PCSK6: variants seen among roughly 807,000 people sequenced by gnomAD.
PCSK6 encodes proprotein convertase subtilisin/kexin type 6, also known as paired basic amino acid cleaving enzyme 4.
In PCSK6, 85 loss-of-function variants were observed where a neutral mutation model predicts 123.3. That is an observed-to-expected ratio of 0.69 (90% CI 0.58 to 0.83). The LOEUF is 0.83. Among genes scored for constraint, PCSK6 ranks in the 40% least tolerant of loss-of-function variants. The pLI is 0.00. For missense variants in PCSK6, 1,191 were observed against 1,282.3 expected, an observed-to-expected ratio of 0.93 and a Z score of 1.09; for synonymous variants, 508 against 516.0, an observed-to-expected ratio of 0.98 and a Z score of 0.21.
At chr15:101,404,166 T>G (rs2042699504) in intron 6 of PCSK6, among the ~76,000 whole-genome samples, 1 of 152,208 alleles carries the variant, frequency 6.6e-6, no homozygotes, top group Non-Finnish European at 1.5e-5. Flanking sequence ...GTTCTTAATT[T>G]TAATAGAGCA....
At chr15:101,427,602 A>G (rs1047606544) in intron 6 of PCSK6, among the ~76,000 whole-genome samples, 8 of 152,220 alleles carry the variant, frequency 5.3e-5, no homozygotes, top group African/African-American at 1.9e-4. Context: ...GCAGACTTCT[A>G]GGAGTCAGCA....
chr15:101,421,148 T>G (rs1399137971), intron 6 of PCSK6, among the ~76,000 whole-genome samples: 1 of 152,178 alleles, frequency 6.6e-6, no homozygotes, highest in Non-Finnish European at 1.5e-5. Flanking sequence ...GGTTTCACCA[T>G]GTTGGCAGGC....
intron 20 of PCSK6, chr15:101,312,968 G>A (rs2039901147): frequency 1.9e-6 from 2 of 1,052,610 alleles, no homozygotes; most frequent in Non-Finnish European, 2.4e-6. Flanking sequence ...TCACACCAGT[G>A]CACTCCAGCC....
intron 1 of PCSK6, among the ~76,000 whole-genome samples, chr15:101,445,168 C>A (rs2056855358): frequency 6.6e-6 from 1 of 152,218 alleles, no homozygotes; most frequent in Admixed American, 6.5e-5. Flanking sequence ...ACCTAGTGGG[C>A]ATTCAGCAAA....
chr15:101,376,046 G>A (rs1191280837), intron 11 of PCSK6, among the ~76,000 whole-genome samples: 1 of 151,996 alleles, frequency 6.6e-6, no homozygotes, highest in African/African-American at 2.4e-5. Context: ...ATAAAAACAA[G>A]TGTCTGTTTC....
At chr15:101,480,461 T>C (rs2057847449) in intron 1 of PCSK6, among the ~76,000 whole-genome samples, 1 of 152,246 alleles carries the variant, frequency 6.6e-6, no homozygotes, top group Non-Finnish European at 1.5e-5. Flanking sequence ...AGGGCATTGA[T>C]GGGCTGGTTG....
intron 1 of PCSK6, among the ~76,000 whole-genome samples, chr15:101,456,701 T>C (rs929716292): frequency 6.6e-5 from 10 of 152,198 alleles, no homozygotes; most frequent in African/African-American, 2.4e-4. Context: ...CCCACATTCT[T>C]AGAAGCTGGA....
chr15:101,376,999 C>A (rs1014848209), intron 11 of PCSK6, among the ~76,000 whole-genome samples: 3 of 152,226 alleles, frequency 2.0e-5, no homozygotes, highest in Non-Finnish European at 2.9e-5. Flanking sequence ...GTGGCAGACA[C>A]CTGCATAGTT....
intron 6 of PCSK6, among the ~76,000 whole-genome samples, chr15:101,423,563 T>C (rs1196069686): frequency 6.6e-6 from 1 of 152,066 alleles, no homozygotes; most frequent in Non-Finnish European, 1.5e-5. Context: ...TGCCCAGCCC[T>C]GAAATTTTTT....
intron 13 of PCSK6, among the ~76,000 whole-genome samples, chr15:101,342,783 T>G (rs1178361261): frequency 6.6e-6 from 1 of 152,148 alleles, no homozygotes; most frequent in Non-Finnish European, 1.5e-5. Flanking sequence ...ATGCCTGTAA[T>G]CCCAGCTACT....
In PCSK6 at chr15:101,441,988, A is replaced by C. The variant is rs182799559; in HGVS notation, c.402+1568T>G. On this transcript the variant is annotated intron_variant, in intron 2 of 21. Coordinates refer to ENST00000611716, the MANE Select transcript of PCSK6 (RefSeq NM_002570.5). ...CGCCTCCTCCGGGATCAGCCTATGC[A>C]CCCTGTACAGAGGCTCCCTGCTGCT... 1.7e-4 allele frequency among the ~76,000 whole-genome samples: 26 copies of C among 152,176 alleles called. No individual in the cohort carries two copies. The East Asian group carries it at 4.8e-3, about 28-fold the overall frequency.
intron 13 of PCSK6, among the ~76,000 whole-genome samples, chr15:101,332,531 T>A (rs2040393670): frequency 6.6e-6 from 1 of 152,160 alleles, no homozygotes; most frequent in Non-Finnish European, 1.5e-5. Flanking sequence ...TGATCCTAGA[T>A]CATGGGAAGA....
At position 101,370,631 on chromosome 15, in the gene PCSK6, G is replaced by A. The variant is rs1467101443; in HGVS notation, c.1533-108C>T. On this transcript the variant is annotated intron_variant, in intron 11 of 21. Coordinates refer to ENST00000611716, the MANE Select transcript of PCSK6 (RefSeq NM_002570.5). ...ACTCTATCCCCACTGCAGCCTCAGG[G>A]CCCTGCGGGCCCCGGGGAGCCGCAG... 6.7e-6 allele frequency: 7 copies of A among 1,046,594 alleles called. No homozygotes were observed. The South Asian group carries it at 1.4e-4, about 21-fold the overall frequency. 64.8% of individuals were successfully genotyped at this position (1,046,594 alleles called of 1,614,324 possible). A position where few individuals can be genotyped will look rare whatever the true frequency, so the allele number is the denominator to read the frequency against.
At chr15:101,403,521 C>G (rs1033899671) in intron 6 of PCSK6, among the ~76,000 whole-genome samples, 3 of 151,562 alleles carry the variant, frequency 2.0e-5, no homozygotes, top group Admixed American at 1.3e-4. Flanking sequence ...TTGATAAGCA[C>G]AAAAGATTGT....
chr15:101,423,611 G>A (rs1421098024), intron 6 of PCSK6, among the ~76,000 whole-genome samples: 1 of 151,954 alleles, frequency 6.6e-6, no homozygotes, highest in Non-Finnish European at 1.5e-5. Flanking sequence ...GGAAGGATTA[G>A]TTAACTTGAA....
chr15:101,402,165 G>A (rs1456145976), intron 6 of PCSK6, among the ~76,000 whole-genome samples: 1 of 146,218 alleles, frequency 6.8e-6, no homozygotes, highest in Non-Finnish European at 1.5e-5. Context: ...AACAAGCAAT[G>A]GGGAAAGGAT....
intron 11 of PCSK6, among the ~76,000 whole-genome samples, chr15:101,379,475 C>T (rs2041849538): frequency 6.6e-6 from 1 of 152,178 alleles, no homozygotes; most frequent in Non-Finnish European, 1.5e-5. Flanking sequence ...AGACAGTCAC[C>T]ATATCCCACG....
In PCSK6 at chr15:101,440,386, G is replaced by A. The variant is rs191381238; in HGVS notation, c.402+3170C>T. Among the ~76,000 whole-genome samples, 380 of 152,376 alleles carry A rather than the reference G, an allele frequency of 2.5e-3. 1 individual carries two copies. Among genetic ancestry groups the A allele is most frequent in the African/African-American group, 8.8e-3 (364 of 41,590 alleles). On this transcript the variant is annotated intron_variant, in intron 2 of 21. Transcript: ENST00000611716. ...AGTGCGAAGAAGATGCCTAATAAGT[G>A]TGCGTGCACACACGTGCTTAACAGA...
chr15:101,445,344 C>T (rs2056860459), intron 1 of PCSK6, among the ~76,000 whole-genome samples: 4 of 152,172 alleles, frequency 2.6e-5, no homozygotes, highest in Admixed American at 2.6e-4. Context: ...AGACTAATAA[C>T]CACCACCCTG....
Sources: allele counts gnomAD v4.1 joint callset (sites outside exome capture counted in the v4.1 genomes callset), GRCh38; gene constraint gnomAD v4.1.1; transcripts MANE v1.5; gene names NCBI Gene and HGNC (gene_info 2026-07-23, HGNC 2026-07-21).